Variants in MEGF6 observed in about 807,000 individuals in gnomAD.
MEGF6 encodes the protein multiple epidermal growth factor-like domains protein 6.
In MEGF6, 184 loss-of-function variants were observed where a neutral mutation model predicts 207.1. The ratio of observed to expected loss-of-function variants is 0.89; its 90% CI spans 0.79 to 1.00. The LOEUF is 1.00. MEGF6 is among the 50% of genes least tolerant of loss of function. The probability of loss-of-function intolerance (pLI) is 0.00; values close to 1 mark genes in which losing one functional copy is unlikely to be tolerated. For missense variants in MEGF6, 2,282 were observed against 2,202.9 expected (o/e 1.04, Z -0.72); for synonymous variants, 1,038 against 910.0 (o/e 1.14, Z -2.53).
chr1:3,512,428 C>T (rs1570009914), intron 7 of MEGF6, among the ~76,000 whole-genome samples: 2 of 152,362 alleles, frequency 1.3e-5, no homozygotes, highest in Non-Finnish European at 1.5e-5. Context: ...CACGACACCC[C>T]GTGGCCATCC....
intron 4 of MEGF6, among the ~76,000 whole-genome samples, chr1:3,548,248 C>T (rs1256638134): frequency 6.6e-6 from 1 of 152,202 alleles, no homozygotes; most frequent in Non-Finnish European, 1.5e-5. Context: ...CGGGCCTTTC[C>T]GGACCTGAGC....
chr1:3,515,634 T>TCCTACAGC, intron 5 of MEGF6, 107 bp from the exon 6 acceptor site: 1 of 1,365,050 alleles, frequency 7.3e-7, no homozygotes, highest in Non-Finnish European at 1.0e-6. Context: ...CTTCCTGCTG[T>TCCTACAGC]AGGACCCCTC....
chr1:3,501,670 G>C lies in MEGF6; in HGVS notation c.2314+126C>G, dbSNP rs968512518. On this transcript the variant is annotated intron_variant, in intron 18 of 36. Coordinates refer to ENST00000356575, the MANE Select transcript of MEGF6 (RefSeq NM_001409.4). ...TCCCTACCCCAGGGGAGTGCACTGT[G>C]AGCTCTCACACCTGCTATAGACGGG... The C allele has an allele frequency of 1.6e-5, 22 of 1,336,056 alleles. No homozygotes were observed. In the African/African-American group the frequency reaches 3.1e-4, roughly 19 times the overall value. The allele number at this position is 1,336,056 out of a possible 1,614,324, so 82.8% of individuals were successfully genotyped here.
intron 3 of MEGF6, among the ~76,000 whole-genome samples, chr1:3,588,682 G>C (rs894882197): frequency 6.6e-5 from 10 of 151,998 alleles, no homozygotes; most frequent in Non-Finnish European, 1.2e-4. Context: ...ACAGAGAAGG[G>C]CTCCAAGGTC....
intron 32 of MEGF6, 45 bp from the exon 33 acceptor site, chr1:3,494,169 A>C: frequency 6.6e-7 from 1 of 1,523,252 alleles, no homozygotes. Flanking sequence ...ACGGTGGCAG[A>C]AATGTCCAGT....
intron 1 of MEGF6, 39 bp from the exon 2 acceptor site, chr1:3,602,639 C>A (rs1335796660): frequency 6.4e-7 from 1 of 1,573,070 alleles, no homozygotes; most frequent in Non-Finnish European, 8.6e-7. Context: ...CTCGGCCACC[C>A]CCAGCCGGCA....
chr1:3,553,762 G>C (rs1642956047), intron 4 of MEGF6, among the ~76,000 whole-genome samples: 1 of 152,204 alleles, frequency 6.6e-6, no homozygotes, highest in Non-Finnish European at 1.5e-5. Flanking sequence ...GCAGCGGCAG[G>C]CATCGGGGGC....
intron 1 of MEGF6, among the ~76,000 whole-genome samples, chr1:3,602,874 C>G (rs1644183338): frequency 6.6e-6 from 1 of 152,226 alleles, no homozygotes; most frequent in African/African-American, 2.4e-5. Context: ...CCTTGCAACA[C>G]AGCCACCAAC....
At chr1:3,510,181 GGGTCAGAGCCAT>G (rs1641284690) in intron 10 of MEGF6, among the ~76,000 whole-genome samples, 189 bp from the exon 11 acceptor site, 1 of 152,164 alleles carries the variant, frequency 6.6e-6, no homozygotes, top group African/African-American at 2.4e-5. Context: ...TCCCAGCCCA[GGGTCAGAGCCAT>G]GGCAGACACG....
intron 2 of MEGF6, among the ~76,000 whole-genome samples, chr1:3,601,177 C>T (rs965449647): frequency 6.6e-6 from 1 of 152,202 alleles, no homozygotes; most frequent in Non-Finnish European, 1.5e-5. Flanking sequence ...GCCCCCATAG[C>T]GAGGGGACTT....
At chr1:3,508,810 GC>G in intron 12 of MEGF6, 121 bp from the exon 13 acceptor site, 2 of 1,304,042 alleles carry the variant, frequency 1.5e-6, no homozygotes, top group Non-Finnish European at 1.1e-6. Context: ...GCCCATGAGG[GC>G]CCCCAAAGGG....
Position 3,560,926 on chromosome 1 carries a change from C to T in MEGF6, c.481+18899G>A. On this transcript the variant is annotated intron_variant, in intron 4 of 36. Coordinates refer to ENST00000356575, the MANE Select transcript of MEGF6 (RefSeq NM_001409.4). The surrounding 1 kb of genome is among the most constrained non-coding windows in gnomAD (Gnocchi z 4.0). ...CCCAGGCCTCTACTACCCTCTGGCACACATCCATCTAGTGCCCCAGGGGCT... is the reference window on the plus strand; with the variant it reads ...CCCAGGCCTCTACTACCCTCTGGCATACATCCATCTAGTGCCCCAGGGGCT... 2.6e-6 allele frequency: 1 copy of T among 384,484 alleles called. No homozygotes were observed. Among genetic ancestry groups the T allele is most frequent in the African/African-American group, 2.2e-5 (1 of 45,656 alleles). The allele number at this position is 384,484 out of a possible 1,614,324, so 23.8% of individuals were successfully genotyped here. A position where few individuals can be genotyped will look rare whatever the true frequency, so the allele number is the denominator to read the frequency against.
At position 3,528,657 on chromosome 1, in the gene MEGF6, G is replaced by T. The variant is rs535751343; in HGVS notation, c.482-4411C>A. On this transcript the variant is annotated intron_variant, in intron 4 of 36. Transcript: ENST00000356575. ...AGAGGGCGGGGAGGAGGAGATGTGA[G>T]CGTGGAAGCAGAGGTCGGAGGGAGG... is the stretch of plus-strand genomic sequence containing the variant. Among the ~76,000 whole-genome samples, 97 of 152,248 alleles carry T rather than the reference G, an allele frequency of 6.4e-4. 2 individuals are homozygous for T. Among genetic ancestry groups the T allele is most frequent in the South Asian group, 2.9e-3 (14 of 4,820 alleles).
At chr1:3,607,037 G>A (rs1402510652) in intron 1 of MEGF6, among the ~76,000 whole-genome samples, 1 of 152,052 alleles carries the variant, frequency 6.6e-6, no homozygotes, top group African/African-American at 2.4e-5. Flanking sequence ...GAAAGCAGGC[G>A]TGATGACAGC....
At chr1:3,576,286 G>A (rs530977908) in intron 4 of MEGF6, among the ~76,000 whole-genome samples, 23 of 152,316 alleles carry the variant, frequency 1.5e-4, no homozygotes, top group East Asian at 3.9e-4. Context: ...CAAAGTCCCC[G>A]CCCGCTGCAG....
intron 4 of MEGF6, among the ~76,000 whole-genome samples, chr1:3,553,558 C>T (rs10909964): frequency 0.075 from 11,441 of 152,216 alleles, 1,418 homozygotes; most frequent in African/African-American, 0.26. Context: ...GCCAAGTCCG[C>T]CCACTGGGCC....
chr1:3,492,708 C>T lies in MEGF6; in HGVS notation c.4447G>A (p.Ala1483Thr), dbSNP rs61746548. 8.1e-3 allele frequency: 13,057 copies of T among 1,612,594 alleles called. 966 individuals are homozygous for T. The African/African-American group carries it at 0.15, about 19-fold the overall frequency. The change falls in exon 35 of 37, where the codon GCT (alanine) becomes ACT (threonine). Residue 1483 changes from alanine (A) to threonine (T), a missense_variant. Transcript: ENST00000356575. ...CTLHCDCGGGADCDPVSGQCH... is the reference protein window; with the variant it reads ...CTLHCDCGGGTDCDPVSGQCH... ...TGCCCACTGACAGGGTCGCAGTCAG[C>T]CCCACCCCCGCAGTCACAGTGCAGG... is the stretch of plus-strand genomic sequence containing the variant.
rs145730178 is a variant in MEGF6 at position 3,555,656 on chromosome 1, G to A, written c.481+24169C>T. On this transcript the variant is annotated intron_variant, in intron 4 of 36. Transcript: ENST00000356575. ...AGCTGAACCCGTCAGTGAAACAGCA[G>A]GAGCCTGCAGGGCCGAGAGGAGCCT... 8.4e-3 allele frequency among the ~76,000 whole-genome samples: 1,282 copies of A among 152,286 alleles called. 22 individuals are homozygous for A. Among genetic ancestry groups the A allele is most frequent in the African/African-American group, 0.028 (1,184 of 41,562 alleles).
Position 3,505,193 on chromosome 1 carries a change from G to A in MEGF6, c.2188+15C>T, listed in dbSNP as rs1039768106. On this transcript the variant is annotated intron_variant, in intron 17 of 36. Transcript: ENST00000356575. ...ACAATGAGACTGCCGGGAGCCCCAG[G>A]GGCCGGCCACTCACCTTGGCCACAG... is the stretch of plus-strand genomic sequence containing the variant. 6.2e-7 allele frequency: 1 copy of A among 1,610,198 alleles called. No individual in the cohort carries two copies. The highest frequency in any genetic ancestry group is 1.7e-5 in the Admixed American group (1 of 59,932).
Sources: gnomAD v4.1 joint callset for allele counts (sites outside exome capture counted in the v4.1 genomes callset) on GRCh38, gnomAD v4.1.1 for gene constraint, Gnocchi (gnomAD v3.1) non-coding constraint, MANE v1.5 for transcripts, NCBI Gene and HGNC (gene_info 2026-07-23, HGNC 2026-07-21) for gene names.